The following PDGFC variants were observed in gnomAD, a reference collection of about 807,000 sequenced individuals.
PDGFC encodes platelet derived growth factor C.
Under a neutral mutation model 35.5 loss-of-function variants are expected in PDGFC, and 12 were observed. The observed-to-expected ratio is 0.34, with a 90% CI of 0.22 to 0.55. The LOEUF (loss-of-function observed/expected upper bound fraction) is 0.55. Ranked by LOEUF, PDGFC falls within the 20% of genes least tolerant of loss-of-function variation. The probability of loss-of-function intolerance (pLI) is 0.91; values close to 1 mark genes in which losing one functional copy is unlikely to be tolerated. For synonymous variants in PDGFC, 159 were observed against 148.8 expected (o/e 1.07, Z -0.50); for missense variants, 322 against 412.4 (o/e 0.78, Z 1.90).
intron 1 of PDGFC, among the ~76,000 whole-genome samples, chr4:156,857,691 C>T (rs1729615184): frequency 6.6e-6 from 1 of 152,068 alleles, no homozygotes; most frequent in South Asian, 2.1e-4. Flanking sequence ...GTCGAACTGA[C>T]CCTAGCCAGA....
intron 3 of PDGFC, among the ~76,000 whole-genome samples, chr4:156,780,847 T>C (rs940378034): frequency 2.0e-5 from 3 of 152,160 alleles, no homozygotes; most frequent in African/African-American, 7.2e-5. Context: ...GGTCTGTTTT[T>C]TCAGTCTTAC....
intron 1 of PDGFC, among the ~76,000 whole-genome samples, chr4:156,940,600 C>T (rs1031151526): frequency 1.3e-5 from 2 of 152,084 alleles, no homozygotes; most frequent in African/African-American, 4.8e-5. Flanking sequence ...CTGATCGATA[C>T]CCAATGTCTA....
At chr4:156,914,045 C>T (rs866080875) in intron 1 of PDGFC, among the ~76,000 whole-genome samples, 1 of 151,858 alleles carries the variant, frequency 6.6e-6, no homozygotes. Context: ...GATGGAAAAA[C>T]ATCACTAGAA....
chr4:156,788,745 C>T (rs868226598), intron 3 of PDGFC, among the ~76,000 whole-genome samples: 1 of 152,058 alleles, frequency 6.6e-6, no homozygotes, highest in Non-Finnish European at 1.5e-5. Context: ...AATACAATGC[C>T]GTTTTTAAAA....
At chr4:156,821,624 T>C (rs933910603) in intron 2 of PDGFC, among the ~76,000 whole-genome samples, 1 of 152,196 alleles carries the variant, frequency 6.6e-6, no homozygotes, top group African/African-American at 2.4e-5. Context: ...CTTGGCTCAC[T>C]GCAATCTCTG....
At chr4:156,857,277 C>G (rs1016559787) in intron 1 of PDGFC, among the ~76,000 whole-genome samples, 4 of 151,980 alleles carry the variant, frequency 2.6e-5, no homozygotes, top group Admixed American at 2.6e-4. Flanking sequence ...AAAAAGAAGA[C>G]ATATGTAAGA....
chr4:156,764,938 G>GA (rs1396632840), intron 5 of PDGFC, among the ~76,000 whole-genome samples: 7 of 151,066 alleles, frequency 4.6e-5, no homozygotes, highest in African/African-American at 1.7e-4. Flanking sequence ...ATTCAGCAAG[G>GA]AAAAAAAAAT....
intron 1 of PDGFC, among the ~76,000 whole-genome samples, chr4:156,875,470 C>T (rs1328529217): frequency 6.6e-6 from 1 of 152,160 alleles, no homozygotes; most frequent in African/African-American, 2.4e-5. Context: ...GTCCACACAT[C>T]TTATCTGCCA....
At chr4:156,880,637 A>G (rs1037496225) in intron 1 of PDGFC, among the ~76,000 whole-genome samples, 1 of 152,198 alleles carries the variant, frequency 6.6e-6, no homozygotes, top group Non-Finnish European at 1.5e-5. Flanking sequence ...TATTTAGGGT[A>G]TAGCTGTCCA....
intron 1 of PDGFC, among the ~76,000 whole-genome samples, chr4:156,873,655 G>A (rs1341558426): frequency 6.6e-6 from 1 of 152,112 alleles, no homozygotes; most frequent in African/African-American, 2.4e-5. Context: ...GGTAAAAGTT[G>A]TGACACTATG....
intron 1 of PDGFC, among the ~76,000 whole-genome samples, chr4:156,905,917 T>C (rs1309226680): frequency 6.6e-6 from 1 of 151,882 alleles, no homozygotes; most frequent in Non-Finnish European, 1.5e-5. Context: ...ACCTCAAAAA[T>C]ACATCCTAGC....
At chr4:156,826,427 T>C (rs1465228591) in intron 2 of PDGFC, among the ~76,000 whole-genome samples, 1 of 152,026 alleles carries the variant, frequency 6.6e-6, no homozygotes, top group Non-Finnish European at 1.5e-5. Flanking sequence ...GGTCTTGAAC[T>C]CCTGACCTCA....
At chr4:156,862,579 CT>C (rs1729738611) in intron 1 of PDGFC, among the ~76,000 whole-genome samples, 2 of 152,108 alleles carry the variant, frequency 1.3e-5, no homozygotes, top group African/African-American at 4.8e-5. Context: ...ACACAACACA[CT>C]TTCAGAGAAT....
chr4:156,896,859 A>G (rs745394032), intron 1 of PDGFC, among the ~76,000 whole-genome samples: 27 of 152,178 alleles, frequency 1.8e-4, no homozygotes, highest in Non-Finnish European at 1.8e-4. Context: ...ACTAAGTACC[A>G]CATCTGGAAA....
At chr4:156,828,387 G>C (rs1046666997) in intron 2 of PDGFC, among the ~76,000 whole-genome samples, 1 of 152,150 alleles carries the variant, frequency 6.6e-6, no homozygotes, top group Non-Finnish European at 1.5e-5. Context: ...TGACAGATGA[G>C]ATCCGGCATC....
intron 2 of PDGFC, among the ~76,000 whole-genome samples, chr4:156,812,685 A>G (rs1731970584): frequency 6.6e-6 from 1 of 152,154 alleles, no homozygotes; most frequent in East Asian, 1.9e-4. Flanking sequence ...AACTCTCTTA[A>G]GGCATGGAAC....
At chr4:156,808,689 G>A (rs1731839463) in intron 3 of PDGFC, among the ~76,000 whole-genome samples, 1 of 151,912 alleles carries the variant, frequency 6.6e-6, no homozygotes, top group Non-Finnish European at 1.5e-5. Flanking sequence ...TAATTTAGGA[G>A]TACACAATGA....
chr4:156,828,520 G>A (rs551384444), intron 2 of PDGFC, among the ~76,000 whole-genome samples: 55 of 152,200 alleles, frequency 3.6e-4, no homozygotes, highest in African/African-American at 1.3e-3. Flanking sequence ...ATGACTCAAA[G>A]AGCTATCAGA....
At chr4:156,818,760 C>A (rs1291822849) in intron 2 of PDGFC, among the ~76,000 whole-genome samples, 3 of 151,978 alleles carry the variant, frequency 2.0e-5, no homozygotes, top group Non-Finnish European at 2.9e-5. Context: ...CCTGGGCCTC[C>A]CAAAGTGCTG....
Sources: gnomAD v4.1 joint callset for allele counts (sites outside exome capture counted in the v4.1 genomes callset) on GRCh38, gnomAD v4.1.1 for gene constraint, MANE v1.5 for transcripts, NCBI Gene and HGNC (gene_info 2026-07-23, HGNC 2026-07-21) for gene names.